The following PNMA8B variants were observed in gnomAD, a reference collection of about 807,000 sequenced individuals.
The protein encoded by PNMA8B is paraneoplastic antigen-like protein 8B.
For synonymous variants in PNMA8B, 386 were observed against 394.9 expected, an observed-to-expected ratio of 0.98 and a Z score of 0.27; for missense variants, 887 against 885.8, an observed-to-expected ratio of 1.00 and a Z score of -0.02.
chr19:46,491,934 G>A lies in PNMA8B; in HGVS notation c.*1624C>T, dbSNP rs549497323. Reference sequence around the variant, plus strand: ...ACTGCTACGGGAGAAGCACACCTGGGGCCCTCCCCACCCACAGGCAACACC... The same window carrying A: ...ACTGCTACGGGAGAAGCACACCTGGAGCCCTCCCCACCCACAGGCAACACC... On this transcript the variant is annotated 3_prime_UTR_variant, in exon 1 of 1. Transcript: ENST00000599531. 7 of 195,368 alleles carry A rather than the reference G, an allele frequency of 3.6e-5. No individual in the cohort carries two copies. The South Asian group carries it at 4.2e-4, about 12-fold the overall frequency. 12.1% of individuals were successfully genotyped at this position (195,368 alleles called of 1,614,324 possible).
At position 46,492,225 on chromosome 19, in the gene PNMA8B, T is replaced by C. The variant is rs1232064038; in HGVS notation, c.*1333A>G. The C allele has an allele frequency of 1.0e-5, 4 of 382,476 alleles. No homozygotes were observed. Among genetic ancestry groups the C allele is most frequent in the Non-Finnish European group, 2.1e-5 (4 of 186,700 alleles). The allele number at this position is 382,476 out of a possible 1,614,324, so 23.7% of individuals were successfully genotyped here. On this transcript the variant is annotated 3_prime_UTR_variant, in exon 1 of 1. Transcript: ENST00000599531. ...GCTCCTCACTGCCAGGGAATGGAAA[T>C]TGGGACGAGGAAGCACACACATTGC... is the stretch of plus-strand genomic sequence containing the variant.
In PNMA8B at chr19:46,495,235, G is replaced by C. The variant is rs760098681; in HGVS notation, c.231C>G (p.Ala77=). 1.9e-6 allele frequency: 3 copies of C among 1,603,620 alleles called. No individual in the cohort carries two copies. The Admixed American group carries it at 5.0e-5, about 27-fold the overall frequency. ...VEFVEDVNHA[A]IPREIPGKDG... ...CCTTGCCTGGGATCTCCCTGGGAAT[G>C]GCAGCGTGATTGACGTCCTCCACAA... Residue 77 remains alanine, a synonymous_variant, in exon 1 of 1, where the codon GCC becomes GCG. Coordinates refer to ENST00000599531, the MANE Select transcript of PNMA8B (RefSeq NM_020709.3).
Position 46,493,540 on chromosome 19 carries a change from C to A in PNMA8B, c.*18G>T. 3 of 1,333,622 alleles carry A rather than the reference C, an allele frequency of 2.2e-6. No individual in the cohort carries two copies. The highest frequency in any genetic ancestry group is 2.9e-6 in the Non-Finnish European group (3 of 1,044,740). The allele number at this position is 1,333,622 out of a possible 1,614,324, so 82.6% of individuals were successfully genotyped here. ...CTGCGGGGCCTGCTCGCAGCCTGGG[C>A]GGCTTCTTGGGGGGCCACTAGCGGC... On this transcript the variant is annotated 3_prime_UTR_variant, in exon 1 of 1. Transcript: ENST00000599531. This position sits in a 1 kb window ranked among gnomAD's most constrained non-coding sequence, Gnocchi z 5.3.
chr19:46,494,851 C>T lies in PNMA8B; in HGVS notation c.615G>A (p.Val205=). Residue 205 remains valine (V), a synonymous_variant, in exon 1 of 1, where the codon GTG becomes GTA. Transcript: ENST00000599531. ...EDSSDESLGI[V]IEEIDQGDLS... Reference sequence around the variant, plus strand: ...GGTCGCCCTGGTCGATCTCCTCGATCACGATGCCCAGGCTCTCGTCGGAAG... The same window carrying T: ...GGTCGCCCTGGTCGATCTCCTCGATTACGATGCCCAGGCTCTCGTCGGAAG... 1 of 1,613,386 alleles carries T rather than the reference C, an allele frequency of 6.2e-7. No homozygotes were observed. The highest frequency in any genetic ancestry group is 8.5e-7 in the Non-Finnish European group (1 of 1,179,906).
In PNMA8B at chr19:46,493,133, GA is replaced by G. The variant is rs2147483773; in HGVS notation, c.*424del. ...CCACCACAGACCCAGGGCCCAGTCA[GA>G]CTGGGGTAGGGGCGACAGCGGCCTA... On this transcript the variant is annotated 3_prime_UTR_variant, in exon 1 of 1. Coordinates refer to ENST00000599531, the MANE Select transcript of PNMA8B (RefSeq NM_020709.3). This position sits in a 1 kb window ranked among gnomAD's most constrained non-coding sequence, Gnocchi z 5.3. 1 of 163,544 alleles carries G rather than the reference GA, an allele frequency of 6.1e-6. No individual in the cohort carries two copies. Among genetic ancestry groups the G allele is most frequent in the South Asian group, 2.0e-4 (1 of 5,000 alleles). The allele number at this position is 163,544 out of a possible 1,614,324, so 10.1% of individuals were successfully genotyped here.
Position 46,494,924 on chromosome 19 carries a change from C to T in PNMA8B, c.542G>A (p.Ser181Asn). The change falls in exon 1 of 1, where the codon AGC becomes AAC. Residue 181 changes from serine (S) to asparagine (N), a missense_variant. Coordinates refer to ENST00000599531, the MANE Select transcript of PNMA8B (RefSeq NM_020709.3). ...NRLTQKGKKR[S>N]RGGRPSAPAR... ...GGGAGCAGACGGCCGTCCTCCTCGG[C>T]TTCTCTTCTTGCCCTTCTGGGTCAA... 5.6e-6 allele frequency: 9 copies of T among 1,611,022 alleles called. No individual in the cohort carries two copies. The highest frequency in any genetic ancestry group is 1.1e-5 in the South Asian group (1 of 91,090).
Position 46,492,318 on chromosome 19 carries a change from C to G in PNMA8B, c.*1240G>C. On this transcript the variant is annotated 3_prime_UTR_variant, in exon 1 of 1. Coordinates refer to ENST00000599531, the MANE Select transcript of PNMA8B (RefSeq NM_020709.3). ...GACTGATATTTAGGTAAAAATCGAG[C>G]TCAGCCGGGGTTGCAGGAGCTGAAG... 3.6e-6 allele frequency: 1 copy of G among 277,342 alleles called. No individual in the cohort carries two copies. Among genetic ancestry groups the G allele is most frequent in the South Asian group, 2.9e-5 (1 of 34,790 alleles). 17.2% of individuals were successfully genotyped at this position (277,342 alleles called of 1,614,324 possible). A position where few individuals can be genotyped will look rare whatever the true frequency, so the allele number is the denominator to read the frequency against.
In PNMA8B at chr19:46,492,346, TACG is replaced by T. The variant is rs1568615965; in HGVS notation, c.*1209_*1211del. ...AGCCGGGGTTGCAGGAGCTGAAGCA[TACG>T]GCACGGCACGGCACAGACTCACATA... is the stretch of plus-strand genomic sequence containing the variant. On this transcript the variant is annotated 3_prime_UTR_variant, in exon 1 of 1. Coordinates refer to ENST00000599531, the MANE Select transcript of PNMA8B (RefSeq NM_020709.3). The T allele has an allele frequency of 3.6e-6, 1 of 281,654 alleles. No individual in the cohort carries two copies. Among genetic ancestry groups the T allele is most frequent in the Non-Finnish European group, 7.4e-6 (1 of 135,518 alleles). The allele number at this position is 281,654 out of a possible 1,614,324, so 17.4% of individuals were successfully genotyped here.
chr19:46,493,789 T>C lies in PNMA8B; in HGVS notation c.1677A>G (p.Lys559=). The change falls in exon 1 of 1, where the codon AAA becomes AAG. Residue 559 remains lysine, a synonymous_variant. Transcript: ENST00000599531. This position sits in a 1 kb window ranked among gnomAD's most constrained non-coding sequence, Gnocchi z 5.3. ...GAPPTASGAR[K]TRAGGRGRGR... ...CTCGGCCTCGGCCGCCCGCGCGGGT[T>C]TTGCGGGCCCCGGAAGCGGTGGGAG... 1.7e-6 allele frequency: 2 copies of C among 1,203,172 alleles called. No individual in the cohort carries two copies. The highest frequency in any genetic ancestry group is 2.1e-6 in the Non-Finnish European group (2 of 959,772). 74.5% of individuals were successfully genotyped at this position (1,203,172 alleles called of 1,614,324 possible).
At position 46,495,345 on chromosome 19, in the gene PNMA8B, G is replaced by A. The variant is rs377256577; in HGVS notation, c.121C>T (p.Pro41Ser). The A allele has an allele frequency of 6.8e-5, 87 of 1,282,410 alleles. No homozygotes were observed. In the African/African-American group the frequency reaches 1.1e-3, roughly 16 times the overall value. 79.4% of individuals were successfully genotyped at this position (1,282,410 alleles called of 1,614,324 possible). A position where few individuals can be genotyped will look rare whatever the true frequency, so the allele number is the denominator to read the frequency against. The change falls in exon 1 of 1, where the codon CCG becomes TCG. Residue 41 changes from proline (P) to serine (S), a missense_variant. By Grantham distance (74) the Pro-to-Ser change is moderately conservative (BLOSUM62 -1). Transcript: ENST00000599531. Reference protein sequence around the residue: ...EQADVEAVLQPTLLPLGTFRL... With the variant: ...EQADVEAVLQSTLLPLGTFRL... ...AACGTGCCCAGGGGCAGGAGGGTCG[G>A]CTGCAGGACGGCTTCGACGTCTGCC...
In PNMA8B at chr19:46,493,819, G is replaced by T. The variant is rs558385656; in HGVS notation, c.1647C>A (p.Gly549=). ...GGGCCCCGGAAGCGGTGGGAGGCGC[G>T]CCGGCCGGAGTCAGGCCCCTGGGGG... ...RTAPRGLTPA[G]APPTASGARK... Residue 549 remains glycine (G), a synonymous_variant, in exon 1 of 1, where the codon GGC becomes GGA. Coordinates refer to ENST00000599531, the MANE Select transcript of PNMA8B (RefSeq NM_020709.3). The surrounding 1 kb of genome is among the most constrained non-coding windows in gnomAD (Gnocchi z 5.3). The T allele has an allele frequency of 5.1e-6, 7 of 1,379,540 alleles. No homozygotes were observed. In the South Asian group the frequency reaches 1.3e-4, roughly 25 times the overall value. 85.5% of individuals were successfully genotyped at this position (1,379,540 alleles called of 1,614,324 possible).
At position 46,493,765 on chromosome 19, in the gene PNMA8B, T is replaced by C. The variant is rs1970043223; in HGVS notation, c.1701A>G (p.Arg567=). The change falls in exon 1 of 1, where the codon CGA becomes CGG. Residue 567 remains arginine, a synonymous_variant. Transcript: ENST00000599531. This position sits in a 1 kb window ranked among gnomAD's most constrained non-coding sequence, Gnocchi z 5.3. ...ARKTRAGGRG[R]GRGVTPEKKA... ...TCTTCTCGGGAGTGACGCCCCGGCC[T>C]CGGCCTCGGCCGCCCGCGCGGGTTT... 24 of 1,008,844 alleles carry C rather than the reference T, an allele frequency of 2.4e-5. No individual in the cohort carries two copies. Among genetic ancestry groups the C allele is most frequent in the East Asian group, 5.2e-5 (1 of 19,052 alleles). The allele number at this position is 1,008,844 out of a possible 1,614,324, so 62.5% of individuals were successfully genotyped here.
In PNMA8B at chr19:46,494,051, C is replaced by G; in HGVS notation, c.1415G>C (p.Trp472Ser). ...GGGGTATTTGTACTTCCCGCCTTCCCAGGCGTTTTCTTTTTCCTCCTTCAT... is the reference window on the plus strand; with the variant it reads ...GGGGTATTTGTACTTCCCGCCTTCCGAGGCGTTTTCTTTTTCCTCCTTCAT... ...EVMKEEKENAWEGGKYKYPKG... is the reference protein window; with the variant it reads ...EVMKEEKENASEGGKYKYPKG... Residue 472 changes from tryptophan to serine, a missense_variant, in exon 1 of 1, where the codon TGG (tryptophan) becomes TCG (serine). By Grantham distance (177) the Trp-to-Ser change is radical. Coordinates refer to ENST00000599531, the MANE Select transcript of PNMA8B (RefSeq NM_020709.3). The G allele has an allele frequency of 6.2e-7, 1 of 1,613,680 alleles. No homozygotes were observed. Among genetic ancestry groups the G allele is most frequent in the Non-Finnish European group, 8.5e-7 (1 of 1,179,872 alleles).
rs1310466185 is a variant in PNMA8B at position 46,494,179 on chromosome 19, C to A, written c.1287G>T (p.Lys429Asn). 1 of 1,609,960 alleles carries A rather than the reference C, an allele frequency of 6.2e-7. No homozygotes were observed. The highest frequency in any genetic ancestry group is 8.5e-7 in the Non-Finnish European group (1 of 1,179,858). ...AQPDLPPQAKKAGRGLFGGWS... is the reference protein window; with the variant it reads ...AQPDLPPQAKNAGRGLFGGWS... ...AGCCCCCGAAGAGGCCACGCCCAGC[C>A]TTCTTCGCCTGGGGAGGGAGATCCG... Residue 429 changes from lysine (K) to asparagine (N), a missense_variant, in exon 1 of 1, where the codon AAG becomes AAT. Lys to Asn is a moderately conservative substitution (Grantham distance 94). Transcript: ENST00000599531.
In PNMA8B at chr19:46,495,441, A is replaced by G; in HGVS notation, c.25T>C (p.Trp9Arg). The G allele has an allele frequency of 6.3e-7, 1 of 1,580,044 alleles. No homozygotes were observed. Among genetic ancestry groups the G allele is most frequent in the Non-Finnish European group, 8.7e-7 (1 of 1,150,430 alleles). Residue 9 changes from tryptophan (W) to arginine (R), a missense_variant, in exon 1 of 1, where the codon TGG becomes CGG. Coordinates refer to ENST00000599531, the MANE Select transcript of PNMA8B (RefSeq NM_020709.3). ...GCGTCCACGTCCAGGCTCCGGCACC[A>G]GTCCTGCAAAAGGCTCATGGCCATG... MAMSLLQD[W>R]CRSLDVDAHR...
Position 46,495,597 on chromosome 19 carries a change from C to T in PNMA8B, c.-132G>A. ...AGAGTCCCGGTTCCGGTGAATGTGG[C>T]AAGGCTGGAGTGGGGCTCGGGGCTC... On this transcript the variant is annotated 5_prime_UTR_variant, in exon 1 of 1. Transcript: ENST00000599531. 1.6e-6 allele frequency: 2 copies of T among 1,266,640 alleles called. No homozygotes were observed. Among genetic ancestry groups the T allele is most frequent in the South Asian group, 3.2e-5 (2 of 61,856 alleles). 78.5% of individuals were successfully genotyped at this position (1,266,640 alleles called of 1,614,324 possible).
chr19:46,494,793 C>T lies in PNMA8B; in HGVS notation c.673G>A (p.Ala225Thr), dbSNP rs1258317784. The change falls in exon 1 of 1, where the codon GCC becomes ACC. Residue 225 changes from alanine (A) to threonine (T), a missense_variant. Coordinates refer to ENST00000599531, the MANE Select transcript of PNMA8B (RefSeq NM_020709.3). The part of the protein sequence containing the change: ...SGEEDQSALY[A>T]TLQAAARELV... ...TCCCTGGCAGCGGCCTGCAGCGTGG[C>T]GTACAGCGCGCTCTGGTCCTCTTCT... 1.2e-6 allele frequency: 2 copies of T among 1,613,598 alleles called. No individual in the cohort carries two copies. The highest frequency in any genetic ancestry group is 1.7e-6 in the Non-Finnish European group (2 of 1,179,854).
Position 46,495,189 on chromosome 19 carries a change from A to G in PNMA8B, c.277T>C (p.Trp93Arg), listed in dbSNP as rs769323772. 1 of 1,613,858 alleles carries G rather than the reference A, an allele frequency of 6.2e-7. No homozygotes were observed. The highest frequency in any genetic ancestry group is 8.5e-7 in the Non-Finnish European group (1 of 1,179,838). ...CTCGTGTCCTGCGCACGGTCCTTCCACAGAACCCTCCAGACCCCATCCTTG... is the reference window on the plus strand; with the variant it reads ...CTCGTGTCCTGCGCACGGTCCTTCCGCAGAACCCTCCAGACCCCATCCTTG... ...PGKDGVWRVL[W>R]KDRAQDTRVL... Residue 93 changes from tryptophan to arginine, a missense_variant, in exon 1 of 1, where the codon TGG (tryptophan) becomes CGG (arginine). Trp to Arg is a moderately radical substitution (Grantham distance 101). Transcript: ENST00000599531.
chr19:46,495,630 C>T lies in PNMA8B; in HGVS notation c.-165G>A, dbSNP rs1970084417. ...GAGTGGGGCTCGGGGCTCGGGGGCT[C>T]TAGCTGCCTGCTGGCCGGCTGGACG... is the stretch of plus-strand genomic sequence containing the variant. On this transcript the variant is annotated 5_prime_UTR_variant, in exon 1 of 1. Transcript: ENST00000599531. 2.3e-6 allele frequency: 2 copies of T among 852,152 alleles called. No individual in the cohort carries two copies. Among genetic ancestry groups the T allele is most frequent in the Non-Finnish European group, 3.6e-6 (2 of 560,612 alleles). 52.8% of individuals were successfully genotyped at this position (852,152 alleles called of 1,614,324 possible).
Sources: allele counts gnomAD v4.1 joint callset, GRCh38; gene constraint gnomAD v4.1.1; non-coding constraint Gnocchi (gnomAD v3.1); transcripts MANE v1.5; gene names NCBI Gene and HGNC (gene_info 2026-07-23, HGNC 2026-07-21).